The following FOCAD variants were observed in gnomAD, a reference collection of about 807,000 sequenced individuals.
FOCAD encodes the protein focadhesin.
Under a neutral mutation model 225.6 loss-of-function variants are expected in FOCAD, and 198 were observed. The observed-to-expected ratio is 0.88, with a 90% CI of 0.78 to 0.99. The LOEUF (loss-of-function observed/expected upper bound fraction) is 0.99, where lower values mean the gene tolerates loss of function less well. FOCAD is among the 50% of genes least tolerant of loss of function. The probability of loss-of-function intolerance (pLI) is 0.00; values close to 1 mark genes in which losing one functional copy is unlikely to be tolerated. For missense variants in FOCAD, 2,713 were observed against 2,123.6 expected (o/e 1.28, Z -5.46); for synonymous variants, 897 against 755.0 (o/e 1.19, Z -3.08).
At chr9:20,732,869 C>G (rs1826831916) in intron 4 of FOCAD, among the ~76,000 whole-genome samples, 1 of 152,082 alleles carries the variant, frequency 6.6e-6, no homozygotes, top group Admixed American at 6.5e-5. Context: ...TCCTTGATTT[C>G]TGGCTTTCTC....
intron 21 of FOCAD, among the ~76,000 whole-genome samples, chr9:20,889,058 C>G (rs1012779668): frequency 6.6e-6 from 1 of 152,138 alleles, no homozygotes; most frequent in African/African-American, 2.4e-5. Context: ...GTTGTGTAAC[C>G]ATTCCCACAA....
chr9:20,852,005 G>A (rs902910968), intron 15 of FOCAD, among the ~76,000 whole-genome samples: 2 of 151,748 alleles, frequency 1.3e-5, no homozygotes, highest in Non-Finnish European at 2.9e-5. Context: ...CAGAAAATGT[G>A]CCCTGCCCTG....
chr9:20,715,361 A>G lies in FOCAD; in HGVS notation c.8A>G (p.Asp3Gly). The G allele has an allele frequency of 1.3e-6, 2 of 1,525,590 alleles. No homozygotes were observed. The highest frequency in any genetic ancestry group is 1.8e-6 in the Non-Finnish European group (2 of 1,130,254). The allele number at this position is 1,525,590 out of a possible 1,614,324, so 94.5% of individuals were successfully genotyped here. A position where few individuals can be genotyped will look rare whatever the true frequency, so the allele number is the denominator to read the frequency against. ...CATGTAAGAGAAGCAAAAATGTCAG[A>G]TGATATCAGGAAAAGGTTTGAATTT... MS[D>G]DIRKRFEFPN... Residue 3 changes from aspartate to glycine, a missense_variant, in exon 2 of 44, where the codon GAT becomes GGT. Transcript: ENST00000338382.
At chr9:20,843,406 G>T (rs1587374342) in intron 15 of FOCAD, among the ~76,000 whole-genome samples, 3 of 151,860 alleles carry the variant, frequency 2.0e-5, no homozygotes, top group African/African-American at 4.8e-5. Flanking sequence ...TTTTGCTTCA[G>T]CACTTTAAAT....
At chr9:20,866,888 C>CTGTTTTTT in intron 17 of FOCAD, 41 bp from the exon 18 acceptor site, 1 of 341,496 alleles carries the variant, frequency 2.9e-6, no homozygotes, top group South Asian at 3.7e-5. Flanking sequence ...TGTTTGCTTG[C>CTGTTTTTT]TTTTTTTTTT....
chr9:20,696,270 TTAATGA>T (rs1187511440), intron 1 of FOCAD, among the ~76,000 whole-genome samples: 5 of 152,218 alleles, frequency 3.3e-5, no homozygotes, highest in African/African-American at 4.8e-5. Flanking sequence ...GTGACTATAC[TTAATGA>T]TAATGTATTG....
chr9:20,793,882 A>G (rs1318766448), intron 11 of FOCAD, among the ~76,000 whole-genome samples: 1 of 152,156 alleles, frequency 6.6e-6, no homozygotes, highest in East Asian at 1.9e-4. Context: ...TTGCCAGAAC[A>G]AAATTTTTCT....
chr9:20,967,435 C>G (rs1262150176), intron 35 of FOCAD, among the ~76,000 whole-genome samples: 1 of 152,084 alleles, frequency 6.6e-6, no homozygotes, highest in Non-Finnish European at 1.5e-5. Context: ...TTGGGATTTT[C>G]TCTATATAGG....
At chr9:20,799,650 T>G (rs778528268) in intron 11 of FOCAD, among the ~76,000 whole-genome samples, 3 of 151,796 alleles carry the variant, frequency 2.0e-5, no homozygotes, top group Non-Finnish European at 4.4e-5. Flanking sequence ...GTCTGTTTTA[T>G]CCAAGACTAG....
At chr9:20,823,764 A>G (rs979270520) in intron 15 of FOCAD, among the ~76,000 whole-genome samples, 5 of 152,132 alleles carry the variant, frequency 3.3e-5, no homozygotes, top group Admixed American at 6.6e-5. Flanking sequence ...AATGAGACTA[A>G]GTAGAATTCT....
chr9:20,901,220 G>GTGTA (rs1416138214), intron 21 of FOCAD, among the ~76,000 whole-genome samples: 16 of 151,460 alleles, frequency 1.1e-4, no homozygotes, highest in African/African-American at 3.6e-4. Flanking sequence ...GTGTGTGTGT[G>GTGTA]TGTGTGTGTG....
At chr9:20,677,351 G>A (rs1418264102) in intron 2 of FOCAD, among the ~76,000 whole-genome samples, 2 of 152,092 alleles carry the variant, frequency 1.3e-5, no homozygotes, top group Non-Finnish European at 2.9e-5. Context: ...CACAGGCAAC[G>A]AAAGCAAAAA....
intron 39 of FOCAD, 86 bp from the exon 40 acceptor site, chr9:20,986,202 T>C (rs1670407936): frequency 5.5e-6 from 7 of 1,266,174 alleles, no homozygotes; most frequent in Non-Finnish European, 7.3e-6. Flanking sequence ...CAACTCATCT[T>C]TTTTGTTTTG....
intron 11 of FOCAD, among the ~76,000 whole-genome samples, chr9:20,799,343 T>C (rs534365288): frequency 6.6e-6 from 1 of 152,316 alleles, no homozygotes; most frequent in African/African-American, 2.4e-5. Context: ...GGTGGAGATT[T>C]CTGTAGATGT....
intron 25 of FOCAD, among the ~76,000 whole-genome samples, chr9:20,925,640 GT>G (rs1834866473): frequency 6.6e-6 from 1 of 152,204 alleles, no homozygotes; most frequent in Non-Finnish European, 1.5e-5. Flanking sequence ...CAGTTACCAT[GT>G]GAGTTAATGA....
chr9:20,791,820 A>G (rs1304412361), intron 11 of FOCAD, among the ~76,000 whole-genome samples: 1 of 152,182 alleles, frequency 6.6e-6, no homozygotes, highest in Non-Finnish European at 1.5e-5. Context: ...ATGGGGTGAG[A>G]TGGTCCCCCA....
intron 18 of FOCAD, among the ~76,000 whole-genome samples, chr9:20,869,333 T>C (rs1353570874): frequency 6.6e-6 from 1 of 152,122 alleles, no homozygotes; most frequent in Non-Finnish European, 1.5e-5. Context: ...GAATTTCAAG[T>C]AGAGCTAAAA....
intron 1 of FOCAD, among the ~76,000 whole-genome samples, chr9:20,698,365 TACACACACACACGC>T (rs922831427): frequency 4.6e-5 from 7 of 151,812 alleles, no homozygotes; most frequent in Admixed American, 1.3e-4. Flanking sequence ...TATATGTGTA[TACACACACACACGC>T]ACACACACAC....
At chr9:20,829,905 C>CAT (rs1335571791) in intron 15 of FOCAD, among the ~76,000 whole-genome samples, 1 of 152,020 alleles carries the variant, frequency 6.6e-6, no homozygotes, top group Non-Finnish European at 1.5e-5. Context: ...TAGTTAACAG[C>CAT]ATATATATAA....
Sources: gnomAD v4.1 joint callset for allele counts (sites outside exome capture counted in the v4.1 genomes callset) on GRCh38, gnomAD v4.1.1 for gene constraint, MANE v1.5 for transcripts, NCBI Gene and HGNC (gene_info 2026-07-23, HGNC 2026-07-21) for gene names.